Variants in DLG2 observed in about 807,000 individuals in gnomAD.
DLG2 encodes disks large homolog 2.
In DLG2, 45 loss-of-function variants were observed where a neutral mutation model predicts 132.5. The observed-to-expected ratio is 0.34, with a 90% CI of 0.27 to 0.44. DLG2 has a LOEUF of 0.44. Ranked by LOEUF, DLG2 falls within the 20% of genes least tolerant of loss-of-function variation. The pLI is 1.00. For synonymous variants in DLG2, 424 were observed against 419.6 expected (o/e 1.01, Z -0.13); for missense variants, 1,045 against 1,196.9 (o/e 0.87, Z 1.87).
chr11:85,515,690 T>G (rs1160756698), intron 3 of DLG2, among the ~76,000 whole-genome samples: 1 of 152,000 alleles, frequency 6.6e-6, no homozygotes, highest in Admixed American at 6.6e-5. Flanking sequence ...TGACTAGAAG[T>G]GGCAACACTG....
At chr11:84,058,784 G>A (rs1168015435) in intron 11 of DLG2, among the ~76,000 whole-genome samples, 7 of 151,566 alleles carry the variant, frequency 4.6e-5, no homozygotes, top group Non-Finnish European at 7.4e-5. Flanking sequence ...ATAATCTCAA[G>A]AGATACGAGA....
At chr11:85,333,281 C>T (rs1335718230) in intron 3 of DLG2, among the ~76,000 whole-genome samples, 2 of 152,176 alleles carry the variant, frequency 1.3e-5, no homozygotes, top group African/African-American at 4.8e-5. Context: ...AATTCCTGTA[C>T]ATAGATTTTG....
intron 6 of DLG2, among the ~76,000 whole-genome samples, chr11:85,061,601 A>G (rs2064142891): frequency 6.6e-6 from 1 of 151,820 alleles, no homozygotes; most frequent in African/African-American, 2.4e-5. Context: ...GATGGTTAAG[A>G]TGTAAATATT....
intron 15 of DLG2, among the ~76,000 whole-genome samples, chr11:83,885,165 T>C (rs181867477): frequency 4.5e-4 from 69 of 152,252 alleles, no homozygotes; most frequent in Non-Finnish European, 7.1e-4. Flanking sequence ...CAGGAGGAAA[T>C]TCAAACCAAA....
chr11:84,566,267 G>A (rs1437613885), intron 6 of DLG2, among the ~76,000 whole-genome samples: 1 of 152,056 alleles, frequency 6.6e-6, no homozygotes, highest in East Asian at 1.9e-4. Flanking sequence ...CTGGTCTGAA[G>A]TAATTATTTT....
chr11:83,793,049 T>C (rs955415481), intron 17 of DLG2, among the ~76,000 whole-genome samples: 10 of 152,184 alleles, frequency 6.6e-5, no homozygotes, highest in African/African-American at 2.4e-4. Flanking sequence ...TCTTCTTATA[T>C]GTTTATTGGA....
At chr11:85,535,941 T>TG (rs2075549366) in intron 3 of DLG2, among the ~76,000 whole-genome samples, 1 of 151,788 alleles carries the variant, frequency 6.6e-6, no homozygotes, top group Non-Finnish European at 1.5e-5. Flanking sequence ...ATAGTCCAAG[T>TG]GTGGTGGCTC....
At chr11:83,966,474 C>T (rs1480108106) in intron 12 of DLG2, among the ~76,000 whole-genome samples, 1 of 151,954 alleles carries the variant, frequency 6.6e-6, no homozygotes, top group Non-Finnish European at 1.5e-5. Context: ...ATGGCAGTGG[C>T]ATTACAGTGG....
At chr11:84,265,572 C>T (rs2097611662) in intron 7 of DLG2, among the ~76,000 whole-genome samples, 1 of 152,080 alleles carries the variant, frequency 6.6e-6, no homozygotes, top group African/African-American at 2.4e-5. Flanking sequence ...CTTTAATTTT[C>T]ATATAACTAC....
rs1464206590 is a variant in DLG2, at chr11:83,466,742, T to C, written c.2695A>G (p.Ile899Val). 1.2e-6 allele frequency: 2 copies of C among 1,613,652 alleles called. No homozygotes were observed. Among genetic ancestry groups the C allele is most frequent in the Non-Finnish European group, 1.7e-6 (2 of 1,179,592 alleles). Residue 899 changes from isoleucine to valine, a missense_variant, in exon 26 of 28, where the codon ATC becomes GTC. This residue lies in a region of DLG2 where 398 missense variants were observed against 543.6 expected (regional missense o/e 0.73). Transcript: ENST00000376104. The part of the protein sequence containing the change: ...LQVAQLYPIA[I>V]FIKPRSLEPL... Reference sequence around the variant, plus strand: ...TCCAGAGACCTGGGTTTTATGAAGATGGCAATGGGATAGAGCTGGGCAACT... The same window carrying C: ...TCCAGAGACCTGGGTTTTATGAAGACGGCAATGGGATAGAGCTGGGCAACT...
chr11:84,235,044 C>T (rs1374712006), intron 8 of DLG2, among the ~76,000 whole-genome samples: 1 of 152,190 alleles, frequency 6.6e-6, no homozygotes, highest in Non-Finnish European at 1.5e-5. Flanking sequence ...GAACCTTGGT[C>T]TCCACAACCT....
At chr11:84,394,926 T>C (rs2098806172) in intron 7 of DLG2, among the ~76,000 whole-genome samples, 1 of 152,170 alleles carries the variant, frequency 6.6e-6, no homozygotes, top group Admixed American at 6.5e-5. Context: ...AGCCCTTCTC[T>C]TTTCAAATGT....
At chr11:85,009,656 A>G (rs1432875461) in intron 6 of DLG2, among the ~76,000 whole-genome samples, 1 of 152,130 alleles carries the variant, frequency 6.6e-6, no homozygotes, top group Non-Finnish European at 1.5e-5. Context: ...ATTTTATTGT[A>G]TATTACTAAT....
Position 83,646,357 on chromosome 11 carries a change from C to CAGAGTGAGAGAGAG in DLG2, c.1826-13033_1826-13032insCTCTCTCTCACTCT, listed in dbSNP as rs113642329. ...ATTTAATAGGCTTTCAGATATGAAA[C>CAGAGTGAGAGAGAG]AGAGAGAGAGAGAGAGAGAGGAAGG... is the stretch of plus-strand genomic sequence containing the variant. On this transcript the variant is annotated intron_variant, in intron 18 of 27. Coordinates refer to ENST00000376104, the MANE Select transcript of DLG2 (RefSeq NM_001142699.3). Among the ~76,000 whole-genome samples the CAGAGTGAGAGAGAG allele has an allele frequency of 1.1e-3, 139 of 126,288 alleles. 1 individual carries two copies. Among genetic ancestry groups the CAGAGTGAGAGAGAG allele is most frequent in the African/African-American group, 3.6e-3 (135 of 37,620 alleles). The allele number at this position is 126,288 out of a possible 152,430, so 82.8% of individuals were successfully genotyped here.
chr11:84,884,898 T>C (rs1038551371), intron 6 of DLG2, among the ~76,000 whole-genome samples: 1 of 152,132 alleles, frequency 6.6e-6, no homozygotes, highest in Non-Finnish European at 1.5e-5. Flanking sequence ...TCCCACTCTA[T>C]GCCACAAGGA....
chr11:83,902,733 C>T (rs2073807559), intron 15 of DLG2, among the ~76,000 whole-genome samples: 1 of 151,970 alleles, frequency 6.6e-6, no homozygotes. Context: ...CTTCCTAATC[C>T]CCAGGAATAT....
chr11:84,032,377 C>A (rs562769912), intron 11 of DLG2, among the ~76,000 whole-genome samples: 1 of 152,040 alleles, frequency 6.6e-6, no homozygotes, highest in Non-Finnish European at 1.5e-5. Context: ...TTTTAGTGGT[C>A]GAGATAAATA....
At chr11:84,585,291 G>A (rs1365757462) in intron 6 of DLG2, among the ~76,000 whole-genome samples, 1 of 152,128 alleles carries the variant, frequency 6.6e-6, no homozygotes, top group Non-Finnish European at 1.5e-5. Context: ...TAAGGAAATT[G>A]AGGCATGAAT....
chr11:84,410,411 A>G (rs2098893779), intron 7 of DLG2, among the ~76,000 whole-genome samples: 1 of 152,086 alleles, frequency 6.6e-6, no homozygotes, highest in Non-Finnish European at 1.5e-5. Flanking sequence ...TCCAGGACCA[A>G]TAGAGGGGCT....
Sources: allele counts gnomAD v4.1 joint callset (sites outside exome capture counted in the v4.1 genomes callset), GRCh38; gene constraint gnomAD v4.1.1; regional missense constraint gnomAD v4.1.1; transcripts MANE v1.5; gene names NCBI Gene and HGNC (gene_info 2026-07-23, HGNC 2026-07-21).